Variants in CNGA1 observed in about 807,000 individuals in gnomAD.
The protein encoded by CNGA1 is cyclic nucleotide gated channel subunit alpha 1.
In CNGA1, 53 loss-of-function variants were observed where a neutral mutation model predicts 69.7. The ratio of observed to expected loss-of-function variants is 0.76; its 90% CI spans 0.61 to 0.96. The LOEUF (loss-of-function observed/expected upper bound fraction) is 0.96. CNGA1 is among the 40% of genes least tolerant of loss of function. The pLI, the probability that CNGA1 is intolerant of heterozygous loss-of-function variation, is 0.00. For synonymous variants in CNGA1, 249 were observed against 283.5 expected (o/e 0.88, Z 1.22); for missense variants, 739 against 811.2 (o/e 0.91, Z 1.08).
chr4:47,989,600 C>G (rs1009248517), intron 2 of CNGA1, among the ~76,000 whole-genome samples: 5 of 151,912 alleles, frequency 3.3e-5, no homozygotes, highest in Non-Finnish European at 1.5e-5. Context: ...TCTTAAAGAT[C>G]TAAGAAAAGT....
At position 47,969,433 on chromosome 4, in the gene CNGA1, G is replaced by A. The variant is rs1012081755; in HGVS notation, c.-15+11960C>T. ...ACTGGGAGAAATGAGAAAATTTTAGGAAACCAAACTCAGTTTTTTGTTTGT... is the reference window on the plus strand; with the variant it reads ...ACTGGGAGAAATGAGAAAATTTTAGAAAACCAAACTCAGTTTTTTGTTTGT... On this transcript the variant is annotated intron_variant, in intron 3 of 10. Coordinates refer to ENST00000514170, the MANE Select transcript of CNGA1 (RefSeq NM_001379270.1). Among the ~76,000 whole-genome samples, 4 of 152,074 alleles carry A rather than the reference G, an allele frequency of 2.6e-5. No individual in the cohort carries two copies. The East Asian group carries it at 5.8e-4, about 22-fold the overall frequency.
At chr4:47,957,370 T>G (rs1241868207) in intron 3 of CNGA1, among the ~76,000 whole-genome samples, 1 of 152,170 alleles carries the variant, frequency 6.6e-6, no homozygotes, top group Non-Finnish European at 1.5e-5. Context: ...ATCCAAGCAC[T>G]TTGGGAGGCT....
At chr4:47,958,155 A>G (rs908262264) in intron 3 of CNGA1, among the ~76,000 whole-genome samples, 4 of 151,888 alleles carry the variant, frequency 2.6e-5, no homozygotes, top group Non-Finnish European at 5.9e-5. Flanking sequence ...CAGCCTCCCA[A>G]AGTGTTGGGA....
chr4:47,953,136 C>T (rs1420446939), intron 3 of CNGA1, among the ~76,000 whole-genome samples: 1 of 152,116 alleles, frequency 6.6e-6, no homozygotes, highest in Non-Finnish European at 1.5e-5. Flanking sequence ...CACAGCCAAA[C>T]CATATCAACC....
At chr4:47,967,116 A>G (rs934954026) in intron 3 of CNGA1, among the ~76,000 whole-genome samples, 1 of 152,094 alleles carries the variant, frequency 6.6e-6, no homozygotes, top group African/African-American at 2.4e-5. Flanking sequence ...CAACCTGGCC[A>G]ACATGGCGAA....
intron 3 of CNGA1, among the ~76,000 whole-genome samples, chr4:47,981,003 AG>A (rs1326225277): frequency 6.6e-6 from 1 of 152,066 alleles, no homozygotes; most frequent in Non-Finnish European, 1.5e-5. Context: ...TCTTATTTTT[AG>A]GAGTGAATTC....
intron 2 of CNGA1, among the ~76,000 whole-genome samples, chr4:48,006,827 T>G (rs1020639658): frequency 2.0e-5 from 3 of 152,128 alleles, no homozygotes; most frequent in African/African-American, 7.2e-5. Flanking sequence ...TTCACCATGT[T>G]GGCCAGGCTG....
chr4:47,953,532 A>G (rs1739870779), intron 3 of CNGA1, among the ~76,000 whole-genome samples: 1 of 152,240 alleles, frequency 6.6e-6, no homozygotes. Flanking sequence ...ATTTTTAGCA[A>G]GTCCCCTAAA....
intron 2 of CNGA1, among the ~76,000 whole-genome samples, chr4:48,003,017 C>T (rs993604695): frequency 6.6e-6 from 1 of 152,168 alleles, no homozygotes; most frequent in Non-Finnish European, 1.5e-5. Context: ...AGTTAATTTA[C>T]AAAATTTATT....
At chr4:47,995,100 C>T (rs1449991342) in intron 2 of CNGA1, among the ~76,000 whole-genome samples, 7 of 152,276 alleles carry the variant, frequency 4.6e-5, no homozygotes, top group African/African-American at 1.7e-4. Context: ...TGTCTCACAG[C>T]TCTTAAGATT....
chr4:48,011,727 G>C (rs1175338117), intron 1 of CNGA1, among the ~76,000 whole-genome samples: 1 of 152,144 alleles, frequency 6.6e-6, no homozygotes, highest in Non-Finnish European at 1.5e-5. Flanking sequence ...AGAAAGGTGG[G>C]ACAATTTAAA....
chr4:47,968,944 C>T (rs1740871409), intron 3 of CNGA1, among the ~76,000 whole-genome samples: 1 of 151,978 alleles, frequency 6.6e-6, no homozygotes, highest in Admixed American at 6.6e-5. Flanking sequence ...AAGTAAGAAA[C>T]AGGTCTGTGA....
chr4:48,010,277 TA>T (rs909058820), intron 2 of CNGA1, among the ~76,000 whole-genome samples: 7 of 152,260 alleles, frequency 4.6e-5, no homozygotes, highest in African/African-American at 1.7e-4. Flanking sequence ...AGGGACTATT[TA>T]TTTTTTAACT....
intron 3 of CNGA1, among the ~76,000 whole-genome samples, chr4:47,966,789 A>G (rs1239416248): frequency 6.6e-6 from 1 of 152,232 alleles, no homozygotes; most frequent in Non-Finnish European, 1.5e-5. Flanking sequence ...TAAAATGAGA[A>G]ATGTAGGTAT....
At chr4:48,002,834 C>G (rs1486152763) in intron 2 of CNGA1, among the ~76,000 whole-genome samples, 2 of 152,038 alleles carry the variant, frequency 1.3e-5, no homozygotes, top group Non-Finnish European at 2.9e-5. Flanking sequence ...TGGTTTATGT[C>G]TGCACCTTAG....
chr4:47,967,171 C>T (rs887573486), intron 3 of CNGA1, among the ~76,000 whole-genome samples: 5 of 152,086 alleles, frequency 3.3e-5, no homozygotes, highest in Admixed American at 2.6e-4. Context: ...GGCATGGTGG[C>T]GAGCACCTGT....
At chr4:47,951,259 C>T in intron 5 of CNGA1, 94 bp downstream of exon 5, 1 of 777,298 alleles carries the variant, frequency 1.3e-6, no homozygotes, top group East Asian at 2.5e-5. Flanking sequence ...TGCTCAAGGT[C>T]ATCACCATGA....
At chr4:47,980,352 G>C (rs2110215700) in intron 3 of CNGA1, among the ~76,000 whole-genome samples, 1 of 152,026 alleles carries the variant, frequency 6.6e-6, no homozygotes, top group South Asian at 2.1e-4. Context: ...TTCCAATATA[G>C]AATGAAATCA....
intron 1 of CNGA1, among the ~76,000 whole-genome samples, chr4:48,015,341 A>T (rs967252084): frequency 1.3e-5 from 2 of 152,168 alleles, no homozygotes; most frequent in Non-Finnish European, 2.9e-5. Flanking sequence ...TATGTATTAT[A>T]AAAGTGGGTG....
Sources: gnomAD v4.1 joint callset for allele counts (sites outside exome capture counted in the v4.1 genomes callset) on GRCh38, gnomAD v4.1.1 for gene constraint, MANE v1.5 for transcripts, NCBI Gene and HGNC (gene_info 2026-07-23, HGNC 2026-07-21) for gene names.